DYM: variants seen among roughly 807,000 people sequenced by gnomAD.
DYM encodes the protein dymeclin.
DYM carries 78 observed loss-of-function variants against 93.1 expected under a neutral mutation model. The observed-to-expected ratio is 0.84, with a 90% CI of 0.70 to 1.01. DYM has a LOEUF of 1.01. Ranked by LOEUF, DYM falls within the 50% of genes least tolerant of loss-of-function variation. The pLI is 0.00. For synonymous variants in DYM, 321 were observed against 319.7 expected (o/e 1.00, Z -0.04); for missense variants, 789 against 845.0 (o/e 0.93, Z 0.82).
rs117926383 is a variant in DYM at position 49,354,619 on chromosome 18, C to T, written c.494+8542G>A. On this transcript the variant is annotated intron_variant, in intron 6 of 17. Transcript: ENST00000675505. ...AACACAACCCAATTAAAAAGTGGACCAAAGACTAACAGATATATCATCAAA... is the reference window on the plus strand; with the variant it reads ...AACACAACCCAATTAAAAAGTGGACTAAAGACTAACAGATATATCATCAAA... 3.9e-5 allele frequency among the ~76,000 whole-genome samples: 6 copies of T among 152,022 alleles called. No individual in the cohort carries two copies. The East Asian group carries it at 1.2e-3, about 29-fold the overall frequency.
chr18:49,387,789 T>G (rs1400342471), intron 3 of DYM, among the ~76,000 whole-genome samples: 2 of 152,222 alleles, frequency 1.3e-5, no homozygotes, highest in Non-Finnish European at 2.9e-5. Flanking sequence ...TTTATTGCAA[T>G]ACTGGCTTTA....
chr18:49,091,905 G>A (rs568086872), intron 17 of DYM, among the ~76,000 whole-genome samples: 23 of 151,840 alleles, frequency 1.5e-4, no homozygotes, highest in South Asian at 6.3e-4. Flanking sequence ...GAGCCACTGC[G>A]CCCAGCCTTG....
At chr18:49,331,822 T>C in intron 8 of DYM, 42 bp downstream of exon 8, 1 of 1,612,004 alleles carries the variant, frequency 6.2e-7, no homozygotes, top group Non-Finnish European at 8.5e-7. Flanking sequence ...ATAGATAAAA[T>C]TTATGTGCAC....
At chr18:49,458,846 C>T (rs2083232303) in intron 1 of DYM, among the ~76,000 whole-genome samples, 1 of 151,894 alleles carries the variant, frequency 6.6e-6, no homozygotes, top group African/African-American at 2.4e-5. Flanking sequence ...CTCCCACCAC[C>T]ACCAACAAAA....
chr18:49,267,665 G>A (rs147823209), intron 11 of DYM, among the ~76,000 whole-genome samples: 1,933 of 152,234 alleles, frequency 0.013, 16 homozygotes, highest in Non-Finnish European at 0.018. Flanking sequence ...AGGCCAAGGC[G>A]GCTGGATCAC....
At chr18:49,240,546 C>G (rs1203822973) in intron 13 of DYM, among the ~76,000 whole-genome samples, 2 of 152,154 alleles carry the variant, frequency 1.3e-5, no homozygotes, top group Non-Finnish European at 2.9e-5. Flanking sequence ...TATTTACTAA[C>G]ATCATTGATG....
chr18:49,313,984 G>A (rs113403497), intron 8 of DYM, among the ~76,000 whole-genome samples: 2,160 of 152,136 alleles, frequency 0.014, 50 homozygotes, highest in African/African-American at 0.049. Context: ...GTGGCCAGGC[G>A]CGGTGGCTCA....
At chr18:49,183,231 C>T (rs533204449) in intron 14 of DYM, among the ~76,000 whole-genome samples, 2 of 152,078 alleles carry the variant, frequency 1.3e-5, no homozygotes, top group African/African-American at 4.8e-5. Context: ...CACAACTAGT[C>T]TCTTATTGTA....
chr18:49,111,715 G>C (rs1373892977), intron 16 of DYM, among the ~76,000 whole-genome samples: 1 of 152,278 alleles, frequency 6.6e-6, no homozygotes, highest in South Asian at 2.1e-4. Context: ...CTGGGTCCCA[G>C]AGCAGGGTGT....
At chr18:49,238,857 T>C (rs1239969477) in intron 13 of DYM, among the ~76,000 whole-genome samples, 1 of 151,638 alleles carries the variant, frequency 6.6e-6, no homozygotes, top group Non-Finnish European at 1.5e-5. Flanking sequence ...CATAATCAAA[T>C]TGGAGACACT....
At chr18:49,209,760 T>C in intron 13 of DYM, 45 bp from the exon 14 acceptor site, 1 of 1,147,478 alleles carries the variant, frequency 8.7e-7, no homozygotes, top group African/African-American at 1.6e-5. Context: ...GAGAGGAGTT[T>C]TCCTTTGAAA....
rs2080804828 is a variant in DYM at position 49,106,345 on chromosome 18, T to C, written c.1912-8830A>G. Among the ~76,000 whole-genome samples, 3 of 152,246 alleles carry C rather than the reference T, an allele frequency of 2.0e-5. No homozygotes were observed. In the South Asian group the frequency reaches 6.2e-4, roughly 32 times the overall value. On this transcript the variant is annotated intron_variant, in intron 16 of 17. Transcript: ENST00000675505. Reference sequence around the variant, plus strand: ...CCTGAACACAGCACACTGATGGGTCTTGACTCTTTATCCAATTTGCCAGTC... The same window carrying C: ...CCTGAACACAGCACACTGATGGGTCCTGACTCTTTATCCAATTTGCCAGTC...
intron 15 of DYM, among the ~76,000 whole-genome samples, chr18:49,156,316 A>G (rs747247527): frequency 1.3e-5 from 2 of 152,180 alleles, no homozygotes; most frequent in Non-Finnish European, 2.9e-5. Flanking sequence ...AGGGATCCAG[A>G]AAATGTTATC....
intron 15 of DYM, among the ~76,000 whole-genome samples, chr18:49,158,415 C>T (rs1196387989): frequency 1.3e-5 from 2 of 152,130 alleles, no homozygotes; most frequent in Non-Finnish European, 2.9e-5. Context: ...GAAAAGTTGA[C>T]CCCCAAAAGC....
At chr18:49,419,366 A>T (rs999712745) in intron 2 of DYM, among the ~76,000 whole-genome samples, 3 of 152,112 alleles carry the variant, frequency 2.0e-5, no homozygotes, top group Non-Finnish European at 2.9e-5. Flanking sequence ...CTCAAAAATT[A>T]AAAAAATAAA....
At chr18:49,046,655 T>C (rs2071628676) in intron 17 of DYM, among the ~76,000 whole-genome samples, 4 of 152,170 alleles carry the variant, frequency 2.6e-5, no homozygotes, top group Admixed American at 6.5e-5. Context: ...ATCCCAGCAC[T>C]GTGAGAGGCC....
chr18:49,220,372 A>T (rs1306968548), intron 13 of DYM, among the ~76,000 whole-genome samples: 1 of 149,548 alleles, frequency 6.7e-6, no homozygotes. Flanking sequence ...TCAAGCTACC[A>T]ATGACTTTCT....
intron 2 of DYM, among the ~76,000 whole-genome samples, chr18:49,426,157 C>T (rs749836363): frequency 6.6e-6 from 1 of 151,918 alleles, no homozygotes; most frequent in Admixed American, 6.6e-5. Context: ...AAATGTCCAT[C>T]GATGATAGAC....
In DYM at chr18:49,039,623, C is replaced by T. The variant is rs186450494; in HGVS notation, c.*4432G>A. ...TTTTTTACTATATAATTCCTGCTCCCACCCCTCACCCTCAATTTTTCATCT... is the reference window on the plus strand; with the variant it reads ...TTTTTTACTATATAATTCCTGCTCCTACCCCTCACCCTCAATTTTTCATCT... On this transcript the variant is annotated 3_prime_UTR_variant, in exon 18 of 18. Coordinates refer to ENST00000675505, the MANE Select transcript of DYM (RefSeq NM_001353214.3). 5.5e-3 allele frequency among the ~76,000 whole-genome samples: 834 copies of T among 152,080 alleles called. 4 individuals carry two copies. The highest frequency in any genetic ancestry group is 8.8e-3 in the Non-Finnish European group (598 of 67,984).
Sources: gnomAD v4.1 joint callset for allele counts (sites outside exome capture counted in the v4.1 genomes callset) on GRCh38, gnomAD v4.1.1 for gene constraint, MANE v1.5 for transcripts, NCBI Gene and HGNC (gene_info 2026-07-23, HGNC 2026-07-21) for gene names.